NSMCE4A: variants seen among roughly 807,000 people sequenced by gnomAD.
NSMCE4A encodes the protein NSE4A component of SMC5/6 complex.
NSMCE4A carries 40 observed loss-of-function variants against 47.9 expected under a neutral mutation model. The observed-to-expected ratio is 0.83, with a 90% CI of 0.65 to 1.09. The LOEUF is 1.09. Among genes scored for constraint, NSMCE4A ranks in the 50% least tolerant of loss-of-function variants. The probability of loss-of-function intolerance (pLI) is 0.00; values close to 1 mark genes in which losing one functional copy is unlikely to be tolerated. For synonymous variants in NSMCE4A, 166 were observed against 178.5 expected (o/e 0.93, Z 0.56); for missense variants, 500 against 507.0 (o/e 0.99, Z 0.13).
At position 121,975,105 on chromosome 10, in the gene NSMCE4A, G is replaced by T. The variant is rs1173496399; in HGVS notation, c.61C>A (p.Arg21=). Residue 21 remains arginine (R), a synonymous_variant, in exon 1 of 11, where the codon CGG becomes AGG. Transcript: ENST00000369023. ...CGGGAGCGGGAGCGGGTGCGATCCC[G>T]ATGCGGGTCGCGGCCCCGGCCCCGG... The part of the protein sequence containing the change: ...EGRGRGRDPH[R]DRTRSRSRSR... The T allele has an allele frequency of 5.6e-6, 8 of 1,433,356 alleles. No homozygotes were observed. Among genetic ancestry groups the T allele is most frequent in the Non-Finnish European group, 6.3e-6 (7 of 1,104,688 alleles). 88.8% of individuals were successfully genotyped at this position (1,433,356 alleles called of 1,614,324 possible). A position where few individuals can be genotyped will look rare whatever the true frequency, so the allele number is the denominator to read the frequency against.
Position 121,960,500 on chromosome 10 carries a change from C to A in NSMCE4A, c.940-94G>T. 1.2e-6 allele frequency: 1 copy of A among 821,580 alleles called. No homozygotes were observed. Among genetic ancestry groups the A allele is most frequent in the Non-Finnish European group, 1.9e-6 (1 of 537,454 alleles). 50.9% of individuals were successfully genotyped at this position (821,580 alleles called of 1,614,324 possible). A position where few individuals can be genotyped will look rare whatever the true frequency, so the allele number is the denominator to read the frequency against. ...AAAAATTACTCAGAAAATTCAGTAT[C>A]TCAGAAAATCAAATTACACCATAGC... On this transcript the variant is annotated intron_variant, in intron 7 of 10. Transcript: ENST00000369023. This position sits in a 1 kb window ranked among gnomAD's most constrained non-coding sequence, Gnocchi z 4.2.
intron 3 of NSMCE4A, 151 bp from the exon 4 acceptor site, chr10:121,967,957 A>T: frequency 2.7e-6 from 2 of 732,774 alleles, no homozygotes; most frequent in Non-Finnish European, 4.3e-6. Context: ...TACTGTGAAG[A>T]TAACTTTACA....
At chr10:121,972,613 G>T (rs529332352) in intron 2 of NSMCE4A, among the ~76,000 whole-genome samples, 9 of 152,196 alleles carry the variant, frequency 5.9e-5, no homozygotes, top group Non-Finnish European at 1.3e-4. Context: ...AATGATGTGG[G>T]GATAAAGAAC....
intron 4 of NSMCE4A, chr10:121,966,787 G>A (rs149404209): frequency 4.7e-4 from 72 of 152,322 alleles, no homozygotes; most frequent in African/African-American, 1.6e-3. Flanking sequence ...GGTCCTCTTA[G>A]AGAAGAGCCA....
rs1477288921 is a variant in NSMCE4A, at chr10:121,967,760, C to A, written c.548G>T (p.Arg183Leu). Residue 183 changes from arginine to leucine, a missense_variant, in exon 4 of 11, where the codon CGT becomes CTT. Coordinates refer to ENST00000369023, the MANE Select transcript of NSMCE4A (RefSeq NM_017615.3). Reference protein sequence around the residue: ...VNPLEAEELIRDEDSPDFEFI... With the variant: ...VNPLEAEELILDEDSPDFEFI... ...TTCAAAATCAGGACTATCTTCATCA[C>A]GGATGAGTTCTTCAGCTTCTAGCGG... 1 of 1,614,054 alleles carries A rather than the reference C, an allele frequency of 6.2e-7. No homozygotes were observed. The highest frequency in any genetic ancestry group is 2.2e-5 in the East Asian group (1 of 44,868).
rs368204596 is a variant in NSMCE4A at position 121,960,352 on chromosome 10, A to G, written c.988+6T>C. ...AACTAATTTTTCCAAACATAGTATC[A>G]TTTACCTATTACTGGCAGTCGGTCT... On this transcript the variant is annotated splice_donor_region_variant and intron_variant, in intron 8 of 10. Coordinates refer to ENST00000369023, the MANE Select transcript of NSMCE4A (RefSeq NM_017615.3). The surrounding 1 kb of genome is among the most constrained non-coding windows in gnomAD (Gnocchi z 4.2). 29 of 1,484,022 alleles carry G rather than the reference A, an allele frequency of 2.0e-5. No homozygotes were observed. The highest frequency in any genetic ancestry group is 2.1e-5 in the Non-Finnish European group (24 of 1,124,536). The allele number at this position is 1,484,022 out of a possible 1,614,324, so 91.9% of individuals were successfully genotyped here.
Position 121,960,287 on chromosome 10 carries a change from TA to T in NSMCE4A, c.988+70del. Reference sequence around the variant, plus strand: ...ACATTGAAAATTCATTTACATTTAGTAAAATACTTAAATTCTACTAACAAAT... The same window carrying T: ...ACATTGAAAATTCATTTACATTTAGTAAATACTTAAATTCTACTAACAAAT... On this transcript the variant is annotated intron_variant, in intron 8 of 10. Transcript: ENST00000369023. The surrounding 1 kb of genome is among the most constrained non-coding windows in gnomAD (Gnocchi z 4.2). 1 of 992,708 alleles carries T rather than the reference TA, an allele frequency of 1.0e-6. No homozygotes were observed. The highest frequency in any genetic ancestry group is 1.4e-6 in the Non-Finnish European group (1 of 712,176). 61.5% of individuals were successfully genotyped at this position (992,708 alleles called of 1,614,324 possible).
chr10:121,974,495 C>CGCTGCAGCTGCA, intron 1 of NSMCE4A: 1 of 1,002,724 alleles, frequency 1.0e-6, no homozygotes, highest in Non-Finnish European at 1.2e-6. Flanking sequence ...TCTCGCGTGC[C>CGCTGCAGCTGCA]GCTGCAGCTG....
intron 6 of NSMCE4A, 41 bp from the exon 7 acceptor site, chr10:121,961,558 C>A: frequency 8.2e-7 from 1 of 1,226,904 alleles, no homozygotes. Context: ...TTTTGCTTGT[C>A]ATTAATATCA....
At chr10:121,968,576 CG>C (rs533318252) in intron 3 of NSMCE4A, among the ~76,000 whole-genome samples, 62 of 152,012 alleles carry the variant, frequency 4.1e-4, no homozygotes, top group Middle Eastern at 3.4e-3. Flanking sequence ...GAAGAGTTGG[CG>C]GAAGTCAAAT....
chr10:121,961,521 TAGACAAAA>T lies in NSMCE4A; in HGVS notation c.845-12_845-5del, dbSNP rs777874810. The T allele has an allele frequency of 1.9e-6, 3 of 1,543,412 alleles. No homozygotes were observed. Among genetic ancestry groups the T allele is most frequent in the Non-Finnish European group, 2.6e-6 (3 of 1,154,454 alleles). On this transcript the variant is annotated splice_polypyrimidine_tract_variant and splice_region_variant and intron_variant, in intron 6 of 10. Transcript: ENST00000369023. ...AAGAAGGACATTGGGGTATCAGCTATAGACAAAAAGAGAAAAAAAAATTGATTTTTGCT... is the reference window on the plus strand; with the variant it reads ...AAGAAGGACATTGGGGTATCAGCTATAGAGAAAAAAAAATTGATTTTTGCT...
intron 1 of NSMCE4A, chr10:121,974,460 G>A (rs1952777219): frequency 2.0e-6 from 2 of 1,010,130 alleles, no homozygotes; most frequent in Non-Finnish European, 2.4e-6. Flanking sequence ...GTCCGGGTGG[G>A]GTCCGAGAAC....
chr10:121,968,625 T>TA, intron 3 of NSMCE4A, among the ~76,000 whole-genome samples: 1 of 152,210 alleles, frequency 6.6e-6, no homozygotes, highest in Non-Finnish European at 1.5e-5. Context: ...GAAAATGTGT[T>TA]ATATTGAATT....
At chr10:121,971,487 T>A (rs1438763943) in intron 2 of NSMCE4A, among the ~76,000 whole-genome samples, 2 of 151,866 alleles carry the variant, frequency 1.3e-5, no homozygotes, top group Non-Finnish European at 2.9e-5. Context: ...AGCCTGGGTG[T>A]CAGAGCAAGA....
At chr10:121,969,718 T>C (rs78799045) in intron 3 of NSMCE4A, among the ~76,000 whole-genome samples, 1,766 of 152,168 alleles carry the variant, frequency 0.012, 16 homozygotes, top group Middle Eastern at 0.02. Context: ...GATTGACTGA[T>C]TGATTGATTG....
Position 121,967,805 on chromosome 10 carries a change from A to G in NSMCE4A, c.503T>C (p.Leu168Pro). 1 of 1,596,138 alleles carries G rather than the reference A, an allele frequency of 6.3e-7. No individual in the cohort carries two copies. Among genetic ancestry groups the G allele is most frequent in the Non-Finnish European group, 8.5e-7 (1 of 1,175,720 alleles). ...TAGCGGATTTACACCCATATGTGTG[A>G]GCTACAAAAATGAAGGAAAACAAAA... is the stretch of plus-strand genomic sequence containing the variant. ...FDMLRYVETL[L>P]THMGVNPLEA... is the part of the protein sequence containing the mutation. Residue 168 changes from leucine to proline, a missense_variant and splice_region_variant, in exon 4 of 11, where the codon CTC becomes CCC. By Grantham distance (98) the Leu-to-Pro change is moderately conservative. Coordinates refer to ENST00000369023, the MANE Select transcript of NSMCE4A (RefSeq NM_017615.3).
intron 1 of NSMCE4A, chr10:121,974,551 C>A (rs1952780183): frequency 9.8e-7 from 1 of 1,016,896 alleles, no homozygotes; most frequent in Non-Finnish European, 1.2e-6. Context: ...GACTGCCGGG[C>A]GCAATCAAAG....
At position 121,960,035 on chromosome 10, in the gene NSMCE4A, T is replaced by C. The variant is rs935835981; in HGVS notation, c.988+323A>G. The stretch of plus-strand genomic sequence containing the variant: ...ATAGAACCTCAAAGAGAAAAGAAGG[T>C]GCCGGCATCTGACAAAACGTGATTA... On this transcript the variant is annotated intron_variant, in intron 8 of 10. Coordinates refer to ENST00000369023, the MANE Select transcript of NSMCE4A (RefSeq NM_017615.3). This position sits in a 1 kb window ranked among gnomAD's most constrained non-coding sequence, Gnocchi z 4.2. 1 of 269,108 alleles carries C rather than the reference T, an allele frequency of 3.7e-6. No homozygotes were observed. Among genetic ancestry groups the C allele is most frequent in the Non-Finnish European group, 6.8e-6 (1 of 146,514 alleles). The allele number at this position is 269,108 out of a possible 1,614,324, so 16.7% of individuals were successfully genotyped here. A position where few individuals can be genotyped will look rare whatever the true frequency, so the allele number is the denominator to read the frequency against.
At chr10:121,963,628 C>A (rs915328262) in intron 5 of NSMCE4A, among the ~76,000 whole-genome samples, 1 of 150,720 alleles carries the variant, frequency 6.6e-6, no homozygotes, top group Non-Finnish European at 1.5e-5. Flanking sequence ...TCTACCTTGT[C>A]TAAGACACCT....
Sources: allele counts gnomAD v4.1 joint callset (sites outside exome capture counted in the v4.1 genomes callset), GRCh38; gene constraint gnomAD v4.1.1; non-coding constraint Gnocchi (gnomAD v3.1); transcripts MANE v1.5; gene names NCBI Gene and HGNC (gene_info 2026-07-23, HGNC 2026-07-21).